Variants in PAPLN observed in about 807,000 individuals in gnomAD.
PAPLN encodes papilin, proteoglycan like sulfated glycoprotein.
PAPLN carries 146 observed loss-of-function variants against 159.0 expected under a neutral mutation model. The ratio of observed to expected loss-of-function variants is 0.92; its 90% confidence interval spans 0.80 to 1.05. PAPLN has a LOEUF of 1.05. Ranked by LOEUF, PAPLN falls within the 50% of genes least tolerant of loss-of-function variation. PAPLN has a pLI of 0.00. For missense variants in PAPLN, 1,720 were observed against 1,743.9 expected (o/e 0.99, Z 0.24); for synonymous variants, 734 against 702.9 (o/e 1.04, Z -0.70).
At chr14:73,249,128 C>A (rs541059832) in intron 5 of PAPLN, among the ~76,000 whole-genome samples, 5 of 152,222 alleles carry the variant, frequency 3.3e-5, no homozygotes, top group Non-Finnish European at 7.4e-5. Context: ...GAGATCCCAT[C>A]TGAAAAACAT....
chr14:73,252,840 G>T (rs530442821), intron 11 of PAPLN, 65 bp downstream of exon 11: 2 of 1,599,584 alleles, frequency 1.3e-6, no homozygotes, highest in African/African-American at 1.3e-5. Flanking sequence ...AGGGAACAAG[G>T]CCTCCAAGCT....
intron 26 of PAPLN, among the ~76,000 whole-genome samples, chr14:73,270,937 TAG>T (rs538733579): frequency 7.8e-4 from 119 of 152,268 alleles, no homozygotes; most frequent in African/African-American, 2.8e-3. Context: ...AGCACCAGGG[TAG>T]GAGGCCTTGG....
At chr14:73,241,177 A>G (rs527560045) in intron 2 of PAPLN, among the ~76,000 whole-genome samples, 2 of 152,262 alleles carry the variant, frequency 1.3e-5, no homozygotes, top group African/African-American at 4.8e-5. Flanking sequence ...CATGGGCCAC[A>G]GCTGGAGCGG....
At position 73,244,663 on chromosome 14, in the gene PAPLN, A is replaced by G; in HGVS notation, c.74A>G (p.Gln25Arg). Residue 25 changes from glutamine to arginine, a missense_variant, in exon 3 of 27, where the codon CAG becomes CGG. Coordinates refer to ENST00000644200, the MANE Select transcript of PAPLN (RefSeq NM_001365906.3). ...PGSSAPKVRR[Q>R]SDTWGPWSQW... The stretch of plus-strand genomic sequence containing the variant: ...CTGCAGGCTCCCAAGGTGAGGCGGC[A>G]GAGTGACACCTGGGGACCCTGGAGC... 2 of 1,590,162 alleles carry G rather than the reference A, an allele frequency of 1.3e-6. No homozygotes were observed. Among genetic ancestry groups the G allele is most frequent in the Non-Finnish European group, 1.7e-6 (2 of 1,169,132 alleles).
intron 26 of PAPLN, among the ~76,000 whole-genome samples, chr14:73,271,024 G>A (rs938481823): frequency 6.6e-6 from 1 of 152,152 alleles, no homozygotes; most frequent in Admixed American, 6.6e-5. Flanking sequence ...GTAGGTTGCT[G>A]TTGCTGTTAT....
In PAPLN at chr14:73,262,839, C is replaced by T. The variant is rs202063722; in HGVS notation, c.2723+12C>T. The stretch of plus-strand genomic sequence containing the variant: ...AGCTCCTCCTACAGGTGAGGCCCAC[C>T]TTCCCCAGGTGAGGGGGTTAGGACG... On this transcript the variant is annotated intron_variant, in intron 19 of 26. Transcript: ENST00000644200. 282 of 1,454,578 alleles carry T rather than the reference C, an allele frequency of 1.9e-4. 1 individual carries two copies. In the Middle Eastern group the frequency reaches 2.6e-3, roughly 13 times the overall value. The allele number at this position is 1,454,578 out of a possible 1,614,324, so 90.1% of individuals were successfully genotyped here. A position where few individuals can be genotyped will look rare whatever the true frequency, so the allele number is the denominator to read the frequency against.
intron 16 of PAPLN, among the ~76,000 whole-genome samples, chr14:73,260,432 T>C (rs1314293150): frequency 3.3e-5 from 5 of 152,196 alleles, no homozygotes; most frequent in Non-Finnish European, 5.9e-5. Context: ...CTTCTTTGTT[T>C]TGTGGGCTGT....
chr14:73,252,888 C>A, intron 11 of PAPLN, 113 bp downstream of exon 11: 1 of 1,506,212 alleles, frequency 6.6e-7, no homozygotes, highest in Non-Finnish European at 8.9e-7. Flanking sequence ...GGTCCAGGGC[C>A]CCCCACGCTG....
At chr14:73,242,584 C>T (rs1566669372) in intron 2 of PAPLN, 1 of 152,198 alleles carries the variant, frequency 6.6e-6, no homozygotes, top group African/African-American at 2.4e-5. Context: ...TGCAGGCTGT[C>T]TCTGGAAAGT....
chr14:73,250,628 T>A (rs1885137740), intron 6 of PAPLN, among the ~76,000 whole-genome samples: 1 of 151,914 alleles, frequency 6.6e-6, no homozygotes, highest in African/African-American at 2.4e-5. Context: ...CACTCCAACC[T>A]CCCCAAACCC....
chr14:73,265,311 T>G lies in PAPLN; in HGVS notation c.3126-59T>G. On this transcript the variant is annotated intron_variant, in intron 22 of 26. Transcript: ENST00000644200. The surrounding 1 kb of genome is among the most constrained non-coding windows in gnomAD (Gnocchi z 4.1). ...CACCAGGCTTGTGCAGAGGTGCCCA[T>G]GGGAGTAGGCGGGGGCAACGGCAAG... is the stretch of plus-strand genomic sequence containing the variant. 6.3e-7 allele frequency: 1 copy of G among 1,579,308 alleles called. No individual in the cohort carries two copies. The highest frequency in any genetic ancestry group is 2.0e-4 in the Middle Eastern group (1 of 5,118).
In PAPLN at chr14:73,245,166, G is replaced by A. The variant is rs1489044683; in HGVS notation, c.170+407G>A. 5 of 211,136 alleles carry A rather than the reference G, an allele frequency of 2.4e-5. No homozygotes were observed. In the Admixed American group the frequency reaches 2.6e-4, roughly 11 times the overall value. The allele number at this position is 211,136 out of a possible 1,614,324, so 13.1% of individuals were successfully genotyped here. Reference sequence around the variant, plus strand: ...GCTGTGTGTGCTGCACTCCGGCAGGGTCAGTGGAGAAGGTGGGGCACAGAA... The same window carrying A: ...GCTGTGTGTGCTGCACTCCGGCAGGATCAGTGGAGAAGGTGGGGCACAGAA... On this transcript the variant is annotated intron_variant, in intron 3 of 26. Transcript: ENST00000644200. The surrounding 1 kb of genome is among the most constrained non-coding windows in gnomAD (Gnocchi z 4.2).
chr14:73,239,981 C>T, intron 2 of PAPLN, 149 bp downstream of exon 2: 2 of 1,401,618 alleles, frequency 1.4e-6, no homozygotes, highest in Non-Finnish European at 1.9e-6. Flanking sequence ...TGAGCTCCCT[C>T]AGAAAGGGCT....
upstream of PAPLN, among the ~76,000 whole-genome samples, chr14:73,236,243 G>C (rs925724953): frequency 6.6e-6 from 1 of 152,260 alleles, no homozygotes. Context: ...GATCACATGC[G>C]TTGAGCCCCT....
At chr14:73,261,393 G>A in intron 18 of PAPLN, 99 bp downstream of exon 18, 4 of 1,460,862 alleles carry the variant, frequency 2.7e-6, no homozygotes, top group Non-Finnish European at 3.6e-6. Flanking sequence ...TACCAGCTCA[G>A]TTATTCATTC....
In PAPLN at chr14:73,245,626, G is replaced by A. The variant is rs370218356; in HGVS notation, c.171-10G>A. ...CTCGGTCAGGTCTTCCCGGTGCTCT[G>A]GTCCCGCAGGAGAGATGGAGGCTCC... On this transcript the variant is annotated splice_polypyrimidine_tract_variant and intron_variant, in intron 3 of 26. Coordinates refer to ENST00000644200, the MANE Select transcript of PAPLN (RefSeq NM_001365906.3). The surrounding 1 kb of genome is among the most constrained non-coding windows in gnomAD (Gnocchi z 4.2). 8 of 1,556,158 alleles carry A rather than the reference G, an allele frequency of 5.1e-6. No individual in the cohort carries two copies. Among genetic ancestry groups the A allele is most frequent in the Non-Finnish European group, 6.9e-6 (8 of 1,151,156 alleles).
Position 73,262,721 on chromosome 14 carries a change from C to T in PAPLN, c.2617C>T (p.Gln873Ter), listed in dbSNP as rs1317550492. ...QPGPGEAPHT[Q>*]AFGEWPWGQE... ...TGGGCCAGGGGAGGCCCCCCACACC[C>T]AGGCCTTTGGAGAATGGCCATGGGG... The change falls in exon 19 of 27, where the codon CAG becomes TAG. Residue 873 changes from glutamine (Q) to a stop codon, truncating the protein, a stop_gained. Transcript: ENST00000644200. LOFTEE classifies it high-confidence loss of function. 3.3e-6 allele frequency: 5 copies of T among 1,511,190 alleles called. No homozygotes were observed. Among genetic ancestry groups the T allele is most frequent in the Admixed American group, 4.6e-5 (2 of 43,926 alleles). The allele number at this position is 1,511,190 out of a possible 1,614,324, so 93.6% of individuals were successfully genotyped here.
intron 5 of PAPLN, among the ~76,000 whole-genome samples, chr14:73,248,075 C>T (rs867933471): frequency 2.2e-5 from 1 of 45,594 alleles, no homozygotes. Context: ...CTCATATCCT[C>T]TGTGTGTGTG....
At chr14:73,261,065 C>T in intron 17 of PAPLN, 91 bp from the exon 18 acceptor site, 1 of 1,601,576 alleles carries the variant, frequency 6.2e-7, no homozygotes, top group African/African-American at 1.3e-5. Context: ...GTTCTGGCCC[C>T]TCCTTCCTGC....
Sources: allele counts gnomAD v4.1 joint callset (sites outside exome capture counted in the v4.1 genomes callset), GRCh38; gene constraint gnomAD v4.1.1; non-coding constraint Gnocchi (gnomAD v3.1); transcripts MANE v1.5; gene names NCBI Gene and HGNC (gene_info 2026-07-23, HGNC 2026-07-21).